CYP2C8: variants seen among roughly 807,000 people sequenced by gnomAD.
The protein encoded by CYP2C8 is cytochrome P450 family 2 subfamily C member 8.
CYP2C8 carries 51 observed loss-of-function variants against 41.3 expected under a neutral mutation model. The observed-to-expected ratio is 1.24, with a 90% CI of 0.99 to 1.56. The LOEUF is 1.56. Ranked by LOEUF, CYP2C8 falls within the 40% of genes most tolerant of loss-of-function variation. The pLI is 0.00. For synonymous variants in CYP2C8, 218 were observed against 205.8 expected, an observed-to-expected ratio of 1.06 and a Z score of -0.51; for missense variants, 651 against 579.9, an observed-to-expected ratio of 1.12 and a Z score of -1.26.
chr10:95,060,925 G>C (rs565370016), intron 4 of CYP2C8, among the ~76,000 whole-genome samples: 2 of 152,144 alleles, frequency 1.3e-5, no homozygotes, highest in Non-Finnish European at 2.9e-5. Context: ...TCTTGGTTCT[G>C]TTTATATGCT....
chr10:95,055,801 A>G (rs780648472), intron 5 of CYP2C8, among the ~76,000 whole-genome samples: 1 of 152,182 alleles, frequency 6.6e-6, no homozygotes, highest in Non-Finnish European at 1.5e-5. Flanking sequence ...TATAGAAATA[A>G]GCAAAGGGCC....
At chr10:95,040,623 G>A (rs901260131) in intron 7 of CYP2C8, among the ~76,000 whole-genome samples, 3 of 152,106 alleles carry the variant, frequency 2.0e-5, no homozygotes, top group Admixed American at 6.6e-5. Flanking sequence ...CCCCAGTGAC[G>A]GAAGAACTTC....
chr10:95,069,210 C>T (rs760398296), intron 1 of CYP2C8, 25 bp downstream of exon 1: 16 of 1,613,720 alleles, frequency 9.9e-6, no homozygotes, highest in South Asian at 9.9e-5. Flanking sequence ...TTGCAATTGG[C>T]TGGAGGAACA....
intron 5 of CYP2C8, among the ~76,000 whole-genome samples, chr10:95,049,532 C>T (rs985610803): frequency 5.3e-5 from 8 of 152,064 alleles, no homozygotes; most frequent in Non-Finnish European, 1.5e-5. Context: ...CAGCTGATGC[C>T]CACTCACAGA....
intron 6 of CYP2C8, 47 bp downstream of exon 6, chr10:95,045,763 C>A (rs1296187006): frequency 6.2e-7 from 1 of 1,612,496 alleles, no homozygotes; most frequent in African/African-American, 1.3e-5. Flanking sequence ...GCACCATCTT[C>A]TCAGCATTGT....
intron 7 of CYP2C8, among the ~76,000 whole-genome samples, chr10:95,039,744 A>C (rs1409695157): frequency 6.6e-6 from 1 of 152,224 alleles, no homozygotes; most frequent in African/African-American, 2.4e-5. Flanking sequence ...TAAAAAGCAG[A>C]ACCCCTACAA....
chr10:95,056,526 A>G (rs967434999), intron 5 of CYP2C8, among the ~76,000 whole-genome samples: 2 of 152,210 alleles, frequency 1.3e-5, no homozygotes, highest in African/African-American at 4.8e-5. Context: ...ATGATAAGCA[A>G]ATTGTCATAT....
At chr10:95,038,859 C>G (rs777117150) in intron 8 of CYP2C8, 38 bp downstream of exon 8, 27 of 1,609,510 alleles carry the variant, frequency 1.7e-5, no homozygotes, top group Middle Eastern at 3.3e-4. Context: ...AAAGTTCTCT[C>G]TTTCCTTTAA....
rs79270715 is a variant in CYP2C8 at position 95,042,819 on chromosome 10, G to A, written c.1149+71C>T. The stretch of plus-strand genomic sequence containing the variant: ...ACTTCTCTCATCTTGTGTTGTTAGA[G>A]GGTTGGAACCAAACCAGCACTATGG... On this transcript the variant is annotated intron_variant, in intron 7 of 8. Coordinates refer to ENST00000371270, the MANE Select transcript of CYP2C8 (RefSeq NM_000770.3). 2.1e-4 allele frequency: 264 copies of A among 1,282,062 alleles called. 5 individuals are homozygous for A. In the East Asian group the frequency reaches 6.1e-3, roughly 29 times the overall value. 79.4% of individuals were successfully genotyped at this position (1,282,062 alleles called of 1,614,324 possible). A position where few individuals can be genotyped will look rare whatever the true frequency, so the allele number is the denominator to read the frequency against.
chr10:95,039,978 G>T (rs2032962565), intron 7 of CYP2C8, among the ~76,000 whole-genome samples: 1 of 152,106 alleles, frequency 6.6e-6, no homozygotes, highest in Admixed American at 6.6e-5. Context: ...TCTCAAAAAG[G>T]TCAACTGATT....
chr10:95,036,893 G>T lies in CYP2C8; in HGVS notation c.*235C>A. 1.8e-6 allele frequency: 1 copy of T among 544,540 alleles called. No homozygotes were observed. The highest frequency in any genetic ancestry group is 3.3e-6 in the Non-Finnish European group (1 of 302,410). The allele number at this position is 544,540 out of a possible 1,614,324, so 33.7% of individuals were successfully genotyped here. A position where few individuals can be genotyped will look rare whatever the true frequency, so the allele number is the denominator to read the frequency against. ...ATAACATATTAAAAAGTCAGCATTA[G>T]AAAAGTATTAGCATATGCAGCAATT... On this transcript the variant is annotated 3_prime_UTR_variant, in exon 9 of 9. Coordinates refer to ENST00000371270, the MANE Select transcript of CYP2C8 (RefSeq NM_000770.3).
At chr10:95,039,522 G>A (rs1437274691) in intron 7 of CYP2C8, 1 of 170,902 alleles carries the variant, frequency 5.9e-6, no homozygotes. Flanking sequence ...ACTATTGTGT[G>A]TTTATTACTG....
intron 3 of CYP2C8, among the ~76,000 whole-genome samples, chr10:95,066,619 A>G (rs1423865656): frequency 3.9e-5 from 6 of 152,204 alleles, no homozygotes. Context: ...CCCGAGAAAT[A>G]AGAACTGATG....
intron 5 of CYP2C8, among the ~76,000 whole-genome samples, chr10:95,048,352 A>G (rs1408449559): frequency 2.0e-5 from 3 of 152,174 alleles, no homozygotes; most frequent in Middle Eastern, 3.2e-3. Flanking sequence ...ACTCTTTGCT[A>G]CAAAGGAGGG....
intron 7 of CYP2C8, 127 bp downstream of exon 7, chr10:95,042,763 T>TC: frequency 5.0e-6 from 4 of 806,152 alleles, no homozygotes; most frequent in Non-Finnish European, 8.7e-6. Flanking sequence ...TAGCAGAAAG[T>TC]CCATCAAGCT....
chr10:95,049,127 C>CAG (rs2033165472), intron 5 of CYP2C8, among the ~76,000 whole-genome samples: 1 of 152,002 alleles, frequency 6.6e-6, no homozygotes, highest in Non-Finnish European at 1.5e-5. Context: ...AGAAAAAAAT[C>CAG]CGAATAATCC....
intron 4 of CYP2C8, among the ~76,000 whole-genome samples, chr10:95,061,894 G>T (rs537679485): frequency 4.6e-5 from 7 of 152,156 alleles, no homozygotes; most frequent in South Asian, 4.1e-4. Context: ...CATTTCTTTA[G>T]GTACCCAGTA....
chr10:95,059,535 G>A (rs1238079686), intron 4 of CYP2C8, among the ~76,000 whole-genome samples: 2 of 152,070 alleles, frequency 1.3e-5, no homozygotes, highest in African/African-American at 4.8e-5. Flanking sequence ...TGTAGATTCT[G>A]GATATTAGCC....
intron 1 of CYP2C8, 65 bp downstream of exon 1, chr10:95,069,170 T>C: frequency 1.3e-6 from 2 of 1,555,924 alleles, no homozygotes; most frequent in South Asian, 1.1e-5. Flanking sequence ...ATATATTTTG[T>C]CTAAAAATAG....
Sources: gnomAD v4.1 joint callset for allele counts (sites outside exome capture counted in the v4.1 genomes callset) on GRCh38, gnomAD v4.1.1 for gene constraint, MANE v1.5 for transcripts, NCBI Gene and HGNC (gene_info 2026-07-23, HGNC 2026-07-21) for gene names.